NTM: variants seen among roughly 807,000 people sequenced by gnomAD.
NTM encodes IgLON family member 2.
A neutral mutation model predicts 42.1 loss-of-function variants in NTM; 13 were observed. The observed-to-expected ratio is 0.31, with a 90% CI of 0.20 to 0.49. The LOEUF is 0.49. NTM is among the 20% of genes least tolerant of loss of function. The pLI is 0.99. For missense variants in NTM, 373 were observed against 452.8 expected (o/e 0.82, Z 1.60); for synonymous variants, 187 against 179.2 (o/e 1.04, Z -0.35).
chr11:132,194,832 T>G (rs1217287151), intron 3 of NTM, among the ~76,000 whole-genome samples: 1 of 147,296 alleles, frequency 6.8e-6, no homozygotes, highest in Non-Finnish European at 1.5e-5. Flanking sequence ...TTTTTTTTTT[T>G]TTTTTTCTGA....
chr11:131,907,838 G>A (rs1419977955), intron 1 of NTM, among the ~76,000 whole-genome samples: 1 of 152,206 alleles, frequency 6.6e-6, no homozygotes, highest in East Asian at 1.9e-4. Context: ...CAGGATATAA[G>A]ATAAGCCACT....
intron 3 of NTM, 73 bp from the exon 4 acceptor site, chr11:132,211,948 GC>G (rs2082916980): frequency 3.3e-6 from 5 of 1,504,966 alleles, no homozygotes; most frequent in Admixed American, 4.0e-5. Flanking sequence ...GGACTGTTCT[GC>G]CAACTACCAT....
At chr11:131,562,540 A>G (rs2056371427) in intron 1 of NTM, among the ~76,000 whole-genome samples, 1 of 152,030 alleles carries the variant, frequency 6.6e-6, no homozygotes, top group Non-Finnish European at 1.5e-5. Context: ...ATTCCCAAGG[A>G]GGCCCGGCAG....
chr11:131,962,792 C>G (rs185555033), intron 2 of NTM, among the ~76,000 whole-genome samples: 153 of 152,200 alleles, frequency 1.0e-3, no homozygotes, highest in Non-Finnish European at 1.6e-3. Context: ...AGGTTGCCAC[C>G]CCATTTTCAT....
chr11:131,624,166 C>T (rs1033960611), intron 1 of NTM, among the ~76,000 whole-genome samples: 2 of 152,180 alleles, frequency 1.3e-5, no homozygotes, highest in Admixed American at 6.5e-5. Flanking sequence ...CTCATAAGGG[C>T]GATTCTCTGG....
chr11:132,025,291 G>A (rs1159099049), intron 2 of NTM, among the ~76,000 whole-genome samples: 1 of 152,208 alleles, frequency 6.6e-6, no homozygotes, highest in Non-Finnish European at 1.5e-5. Context: ...CCAGAATTTG[G>A]TGGGCAGGTG....
intron 1 of NTM, among the ~76,000 whole-genome samples, chr11:131,616,060 C>T (rs546210270): frequency 1.3e-4 from 20 of 152,356 alleles, no homozygotes; most frequent in African/African-American, 4.6e-4. Flanking sequence ...TCAGGACACG[C>T]TATCCAGGGC....
chr11:132,004,968 C>T lies in NTM; in HGVS notation c.167+93320C>T, dbSNP rs148213169. On this transcript the variant is annotated intron_variant, in intron 2 of 8. Transcript: ENST00000683400. ...AAATTGCTACTTCTTTACCTTACCACGCAGAATGACAACGGGATGCTAGGA... is the reference window on the plus strand; with the variant it reads ...AAATTGCTACTTCTTTACCTTACCATGCAGAATGACAACGGGATGCTAGGA... Among the ~76,000 whole-genome samples, 16 of 152,230 alleles carry T rather than the reference C, an allele frequency of 1.1e-4. 1 individual carries two copies. The highest frequency in any genetic ancestry group is 4.2e-4 in the South Asian group (2 of 4,814).
intron 1 of NTM, among the ~76,000 whole-genome samples, chr11:131,447,205 C>T (rs780967673): frequency 3.9e-5 from 6 of 152,166 alleles, no homozygotes; most frequent in South Asian, 2.1e-4. Context: ...CATGGTTTTG[C>T]GATGGCCAAG....
chr11:132,311,025 G>A (rs2095264069), intron 6 of NTM, among the ~76,000 whole-genome samples: 1 of 152,176 alleles, frequency 6.6e-6, no homozygotes, highest in South Asian at 2.1e-4. Context: ...ATGCTAGAGA[G>A]TCCTGAGGTG....
chr11:132,082,813 G>T (rs146080295), intron 2 of NTM, among the ~76,000 whole-genome samples: 1 of 152,210 alleles, frequency 6.6e-6, no homozygotes, highest in African/African-American at 2.4e-5. Flanking sequence ...TTGCATGACC[G>T]TTTGGAGTTT....
chr11:131,758,281 T>A (rs559141098), intron 1 of NTM, among the ~76,000 whole-genome samples: 1 of 150,914 alleles, frequency 6.6e-6, no homozygotes, highest in African/African-American at 2.4e-5. Flanking sequence ...CCAACCCCGC[T>A]AGCTAATTGT....
chr11:131,766,449 G>A (rs1027784640), intron 1 of NTM, among the ~76,000 whole-genome samples: 1 of 152,150 alleles, frequency 6.6e-6, no homozygotes, highest in Non-Finnish European at 1.5e-5. Context: ...CGAGGAGCGA[G>A]GGAGAGCCAG....
chr11:132,226,474 T>C (rs1009645358), intron 4 of NTM, among the ~76,000 whole-genome samples: 2 of 152,252 alleles, frequency 1.3e-5, no homozygotes, highest in Admixed American at 1.3e-4. Context: ...TGATGAGGTT[T>C]TTTTCATATG....
In NTM at chr11:132,314,513, C is replaced by T. The variant is rs375641420; in HGVS notation, c.783-39C>T. 5.1e-6 allele frequency: 8 copies of T among 1,583,386 alleles called. No homozygotes were observed. The African/African-American group carries it at 9.4e-5, about 19-fold the overall frequency. ...TCTTCTTCCTATGAGGACACATAAC[C>T]ATCTTGTTTTCTTCTTTTTTGTCTT... On this transcript the variant is annotated intron_variant, in intron 6 of 8. Coordinates refer to ENST00000683400, the MANE Select transcript of NTM (RefSeq NM_001352005.2).
chr11:131,526,598 C>T (rs1325950521), intron 1 of NTM, among the ~76,000 whole-genome samples: 7 of 152,170 alleles, frequency 4.6e-5, no homozygotes, highest in African/African-American at 1.4e-4. Context: ...AGAGGCAGCT[C>T]TAATCCTTGT....
chr11:131,425,763 A>G (rs1230824101), intron 1 of NTM, among the ~76,000 whole-genome samples: 1 of 152,058 alleles, frequency 6.6e-6, no homozygotes, highest in Admixed American at 6.5e-5. Context: ...ATCATGTAGG[A>G]TCACTGGATA....
intron 1 of NTM, among the ~76,000 whole-genome samples, chr11:131,792,679 C>T (rs2091095068): frequency 6.6e-6 from 1 of 152,210 alleles, no homozygotes; most frequent in South Asian, 2.1e-4. Context: ...ATGTCCATAA[C>T]AAATGGGCAC....
At chr11:131,729,450 G>T in intron 1 of NTM, among the ~76,000 whole-genome samples, 1 of 152,134 alleles carries the variant, frequency 6.6e-6, no homozygotes, top group East Asian at 1.9e-4. Context: ...AATTCATGCT[G>T]CAAAAAACAC....
Sources: gnomAD v4.1 joint callset for allele counts (sites outside exome capture counted in the v4.1 genomes callset) on GRCh38, gnomAD v4.1.1 for gene constraint, MANE v1.5 for transcripts, NCBI Gene and HGNC (gene_info 2026-07-23, HGNC 2026-07-21) for gene names.